ADCY10: variants seen among roughly 807,000 people sequenced by gnomAD.
The protein encoded by ADCY10 is adenylate cyclase 10, also known as adenylate cyclase type 10.
A neutral mutation model predicts 183.3 loss-of-function variants in ADCY10; 156 were observed. The ratio of observed to expected loss-of-function variants is 0.85; its 90% CI spans 0.75 to 0.97. The LOEUF is 0.97. Ranked by LOEUF, ADCY10 falls within the 50% of genes least tolerant of loss-of-function variation. ADCY10 has a pLI of 0.00. For missense variants in ADCY10, 1,745 were observed against 1,934.3 expected (o/e 0.90, Z 1.84); for synonymous variants, 645 against 670.0 (o/e 0.96, Z 0.58).
chr1:167,859,571 G>C (rs191305174), intron 16 of ADCY10, among the ~76,000 whole-genome samples: 13 of 152,274 alleles, frequency 8.5e-5, no homozygotes, highest in African/African-American at 3.1e-4. Flanking sequence ...TGAGTGCTGA[G>C]AGAGGCCAGA....
intron 8 of ADCY10, among the ~76,000 whole-genome samples, chr1:167,887,973 G>A (rs1668345249): frequency 6.6e-6 from 1 of 152,076 alleles, no homozygotes; most frequent in African/African-American, 2.4e-5. Context: ...GCAAGAGATA[G>A]GAGTCTAGTT....
intron 8 of ADCY10, among the ~76,000 whole-genome samples, chr1:167,887,640 C>G (rs546492002): frequency 6.6e-6 from 1 of 152,000 alleles, no homozygotes; most frequent in East Asian, 1.9e-4. Flanking sequence ...GACATGTATA[C>G]ATAACGTAAC....
At chr1:167,818,039 AT>A in intron 31 of ADCY10, 32 bp downstream of exon 31, 1 of 1,597,348 alleles carries the variant, frequency 6.3e-7, no homozygotes, top group Non-Finnish European at 8.6e-7. Flanking sequence ...TTTAAGGCAT[AT>A]TTTATACTGG....
intron 8 of ADCY10, among the ~76,000 whole-genome samples, chr1:167,890,607 G>A (rs1287269336): frequency 0.01 from 2 of 192 alleles, no homozygotes; most frequent in African/African-American, 0.048. Flanking sequence ...CAATCAGCAG[G>A]TGCAAAGCCA....
intron 31 of ADCY10, among the ~76,000 whole-genome samples, chr1:167,816,960 AATGTGTTCAATTATTCAATT>A (rs1662569538): frequency 6.6e-6 from 1 of 152,220 alleles, no homozygotes; most frequent in African/African-American, 2.4e-5. Context: ...TAACAGCAAC[AATGTGTTCAATTATTCAATT>A]ATGTCTACTT....
At chr1:167,883,289 C>T in intron 9 of ADCY10, 148 bp downstream of exon 9, 1 of 838,680 alleles carries the variant, frequency 1.2e-6, no homozygotes. Context: ...CCGCCCACCT[C>T]TGCCTCCCAA....
Position 167,856,194 on chromosome 1 carries a change from A to G in ADCY10, c.2142T>C (p.Asn714=). The G allele has an allele frequency of 6.2e-7, 1 of 1,613,962 alleles. No individual in the cohort carries two copies. The highest frequency in any genetic ancestry group is 8.5e-7 in the Non-Finnish European group (1 of 1,179,850). The part of the protein sequence containing the change: ...DISNKICLDL[N]VSCISKELDS... ...CCAGTTCTTTGGAGATGCAGCTCAC[A>G]TTGAGGTCAAGACAGATCTTGTTGG... The change falls in exon 17 of 33, where the codon AAT becomes AAC. Residue 714 remains asparagine, a synonymous_variant. Coordinates refer to ENST00000367851, the MANE Select transcript of ADCY10 (RefSeq NM_018417.6).
intron 31 of ADCY10, among the ~76,000 whole-genome samples, chr1:167,814,907 C>T (rs1252198988): frequency 6.6e-6 from 1 of 152,172 alleles, no homozygotes; most frequent in Non-Finnish European, 1.5e-5. Flanking sequence ...GGTCGGATCA[C>T]CTGAGGTCAG....
chr1:167,899,539 G>T lies in ADCY10; in HGVS notation c.526C>A (p.Arg176Ser). The change falls in exon 6 of 33, where the codon CGC (arginine) becomes AGC (serine). Residue 176 changes from arginine to serine, a missense_variant. Coordinates refer to ENST00000367851, the MANE Select transcript of ADCY10 (RefSeq NM_018417.6). ...ATCTGAGCCATGTTCTGGGCAAGGC[G>T]CACATCGTCCACTGCCTGACCAATC... ...LVIGQAVDDV[R>S]LAQNMAQMND... 6.2e-7 allele frequency: 1 copy of T among 1,614,184 alleles called. No individual in the cohort carries two copies. Among genetic ancestry groups the T allele is most frequent in the Non-Finnish European group, 8.5e-7 (1 of 1,180,038 alleles).
chr1:167,909,389 A>G (rs1435465850), intron 1 of ADCY10, among the ~76,000 whole-genome samples: 1 of 152,154 alleles, frequency 6.6e-6, no homozygotes, highest in Non-Finnish European at 1.5e-5. Context: ...TCTCCTGGGT[A>G]TATACACAGG....
chr1:167,897,332 CA>C (rs1198279246), intron 6 of ADCY10, among the ~76,000 whole-genome samples: 3,500 of 118,362 alleles, frequency 0.03, 120 homozygotes, highest in African/African-American at 0.092. Flanking sequence ...ACCAAAAATA[CA>C]AAAAAAAAAA....
At chr1:167,898,819 C>G (rs1669193252) in intron 6 of ADCY10, among the ~76,000 whole-genome samples, 1 of 152,158 alleles carries the variant, frequency 6.6e-6, no homozygotes, top group Non-Finnish European at 1.5e-5. Context: ...AGTCCCATTC[C>G]TTTGGCTCAT....
chr1:167,835,067 G>A (rs1251186091), intron 23 of ADCY10, among the ~76,000 whole-genome samples: 1 of 152,154 alleles, frequency 6.6e-6, no homozygotes, highest in African/African-American at 2.4e-5. Flanking sequence ...TAAGGTAGGA[G>A]GGTTGATTAG....
intron 10 of ADCY10, 120 bp from the exon 11 acceptor site, chr1:167,880,311 C>A (rs923422278): frequency 9.4e-7 from 1 of 1,066,550 alleles, no homozygotes; most frequent in Non-Finnish European, 1.4e-6. Flanking sequence ...TTTCTCTACC[C>A]GTTGGAATTA....
intron 12 of ADCY10, among the ~76,000 whole-genome samples, chr1:167,877,024 C>T (rs1667517027): frequency 6.6e-6 from 1 of 151,966 alleles, no homozygotes; most frequent in South Asian, 2.1e-4. Context: ...ACAAGATCAA[C>T]CAAATCCAGC....
intron 31 of ADCY10, among the ~76,000 whole-genome samples, chr1:167,813,219 A>G (rs916989079): frequency 3.3e-5 from 5 of 152,200 alleles, no homozygotes; most frequent in African/African-American, 1.2e-4. Context: ...ATCACTTTTG[A>G]AAAGTGAAAG....
At position 167,893,938 on chromosome 1, in the gene ADCY10, A is replaced by C. The variant is rs768655071; in HGVS notation, c.743T>G (p.Leu248Arg). Reference sequence around the variant, plus strand: ...CTTCAGCGTGCATGCAAGCCTCAGGAGGTCTAAGAAGGCAGAAGGAGGGTG... The same window carrying C: ...CTTCAGCGTGCATGCAAGCCTCAGGCGGTCTAAGAAGGCAGAAGGAGGGTG... ...HYYPSGEHKNLLRLACTLKPD... is the reference protein window; with the variant it reads ...HYYPSGEHKNRLRLACTLKPD... The change falls in exon 8 of 33, where the codon CTC becomes CGC. Residue 248 changes from leucine to arginine, a missense_variant. Coordinates refer to ENST00000367851, the MANE Select transcript of ADCY10 (RefSeq NM_018417.6). 3 of 1,612,314 alleles carry C rather than the reference A, an allele frequency of 1.9e-6. No individual in the cohort carries two copies. The highest frequency in any genetic ancestry group is 2.2e-5 in the South Asian group (2 of 91,036).
At chr1:167,814,844 T>C (rs1662427916) in intron 31 of ADCY10, among the ~76,000 whole-genome samples, 1 of 152,020 alleles carries the variant, frequency 6.6e-6, no homozygotes, top group East Asian at 1.9e-4. Context: ...AAAAAAAAAT[T>C]AGGCCACACG....
chr1:167,859,981 T>G (rs1666179602), intron 15 of ADCY10, 88 bp from the exon 16 acceptor site: 5 of 976,808 alleles, frequency 5.1e-6, no homozygotes. Context: ...CACTTAACTA[T>G]TCTGTGTCTT....
Sources: allele counts gnomAD v4.1 joint callset (sites outside exome capture counted in the v4.1 genomes callset), GRCh38; gene constraint gnomAD v4.1.1; transcripts MANE v1.5; gene names NCBI Gene and HGNC (gene_info 2026-07-23, HGNC 2026-07-21).